NDST3: variants seen among roughly 807,000 people sequenced by gnomAD.
The protein encoded by NDST3 is bifunctional heparan sulfate N-deacetylase/N-sulfotransferase 3.
NDST3 carries 58 observed loss-of-function variants against 96.1 expected under a neutral mutation model. The ratio of observed to expected loss-of-function variants is 0.60; its 90% CI spans 0.49 to 0.75. The LOEUF is 0.75. Among genes scored for constraint, NDST3 ranks in the 30% least tolerant of loss-of-function variants. The pLI, the probability that NDST3 is intolerant of heterozygous loss-of-function variation, is 0.00. For missense variants in NDST3, 788 were observed against 1,034.2 expected (o/e 0.76, Z 3.27); for synonymous variants, 333 against 359.7 (o/e 0.93, Z 0.84).
chr4:118,159,403 G>A (rs1167276425), intron 6 of NDST3, among the ~76,000 whole-genome samples: 2 of 152,176 alleles, frequency 1.3e-5, no homozygotes, highest in Non-Finnish European at 2.9e-5. Context: ...CAGACTAGAG[G>A]TGAGAGGACC....
chr4:118,139,110 T>G (rs1218411180), intron 5 of NDST3, among the ~76,000 whole-genome samples: 1 of 152,198 alleles, frequency 6.6e-6, no homozygotes, highest in Non-Finnish European at 1.5e-5. Context: ...GATAGACATA[T>G]AGCTTAGATC....
chr4:118,077,378 G>T (rs1169616494), intron 2 of NDST3, among the ~76,000 whole-genome samples: 5 of 152,184 alleles, frequency 3.3e-5, no homozygotes, highest in African/African-American at 1.2e-4. Context: ...AAATATTTTG[G>T]TGTTGTATTT....
chr4:118,224,214 A>G (rs1012487748), intron 6 of NDST3, among the ~76,000 whole-genome samples: 1 of 152,174 alleles, frequency 6.6e-6, no homozygotes, highest in Non-Finnish European at 1.5e-5. Flanking sequence ...TTGCACCAAC[A>G]TGGGTATACA....
intron 6 of NDST3, among the ~76,000 whole-genome samples, chr4:118,217,195 A>G (rs1321653255): frequency 6.6e-6 from 1 of 152,116 alleles, no homozygotes; most frequent in Non-Finnish European, 1.5e-5. Context: ...GTATAAACGA[A>G]GCCGTGGAGA....
chr4:118,211,881 T>C (rs997363604), intron 6 of NDST3, among the ~76,000 whole-genome samples: 1 of 152,290 alleles, frequency 6.6e-6, no homozygotes, highest in East Asian at 1.9e-4. Context: ...AGGAGTCCCC[T>C]TGAGGAACTC....
chr4:118,099,872 C>A (rs1167427952), intron 2 of NDST3, among the ~76,000 whole-genome samples: 1 of 152,030 alleles, frequency 6.6e-6, no homozygotes, highest in Non-Finnish European at 1.5e-5. Context: ...CAGTTCTAAA[C>A]CTGGTCAGAG....
chr4:118,140,945 T>C (rs1281575612), intron 5 of NDST3, among the ~76,000 whole-genome samples: 1 of 152,100 alleles, frequency 6.6e-6, no homozygotes, highest in African/African-American at 2.4e-5. Context: ...TCTAAAAAAT[T>C]AGACTACACA....
chr4:118,143,423 G>C, intron 5 of NDST3, 133 bp from the exon 6 acceptor site: 1 of 810,810 alleles, frequency 1.2e-6, no homozygotes, highest in Non-Finnish European at 1.9e-6. Flanking sequence ...GAGTATGATA[G>C]ATTGTCCAGG....
At chr4:118,227,357 A>G (rs992004075) in intron 8 of NDST3, among the ~76,000 whole-genome samples, 4 of 152,138 alleles carry the variant, frequency 2.6e-5, no homozygotes, top group Admixed American at 6.6e-5. Context: ...ATAACTCTTT[A>G]TAATAAATCC....
At chr4:118,170,489 G>A (rs910017490) in intron 6 of NDST3, among the ~76,000 whole-genome samples, 3 of 152,170 alleles carry the variant, frequency 2.0e-5, no homozygotes, top group African/African-American at 7.2e-5. Context: ...CAGCACTTTG[G>A]GAGACAGAGG....
At chr4:118,125,633 A>G (rs568361573) in intron 4 of NDST3, among the ~76,000 whole-genome samples, 19 of 152,226 alleles carry the variant, frequency 1.2e-4, no homozygotes, top group Admixed American at 3.9e-4. Context: ...ATCTGAATAT[A>G]AAATCATTTC....
intron 3 of NDST3, among the ~76,000 whole-genome samples, chr4:118,105,440 C>T (rs1730092816): frequency 6.6e-6 from 1 of 152,102 alleles, no homozygotes. Flanking sequence ...CCAAAATCTC[C>T]ACTTCTTGTG....
intron 6 of NDST3, among the ~76,000 whole-genome samples, chr4:118,223,031 TACTA>T (rs1739651070): frequency 6.6e-6 from 1 of 151,968 alleles, no homozygotes; most frequent in East Asian, 1.9e-4. Flanking sequence ...AATTTGAACT[TACTA>T]ACCAGGTTAA....
chr4:118,213,726 A>T (rs561702246), intron 6 of NDST3, among the ~76,000 whole-genome samples: 178 of 150,070 alleles, frequency 1.2e-3, no homozygotes, highest in African/African-American at 4.1e-3. Flanking sequence ...TACATAATTT[A>T]TAATATATAC....
intron 6 of NDST3, among the ~76,000 whole-genome samples, chr4:118,179,843 T>G (rs1438429362): frequency 2.6e-5 from 4 of 152,200 alleles, no homozygotes; most frequent in African/African-American, 9.6e-5. Context: ...TAGTAAGTAA[T>G]GTATCCAATA....
chr4:118,046,812 A>T (rs752328886), intron 1 of NDST3, among the ~76,000 whole-genome samples: 6 of 152,174 alleles, frequency 3.9e-5, no homozygotes, highest in Non-Finnish European at 7.4e-5. Context: ...TGAGATGCCT[A>T]TTCATGGGCT....
intron 8 of NDST3, among the ~76,000 whole-genome samples, chr4:118,227,607 CTTTTTT>C (rs67330081): frequency 9.4e-6 from 1 of 106,130 alleles, no homozygotes. Flanking sequence ...TCACCATAAA[CTTTTTT>C]TTTTTTTTTT....
chr4:118,078,625 T>C (rs1727770483), intron 2 of NDST3, among the ~76,000 whole-genome samples: 1 of 151,960 alleles, frequency 6.6e-6, no homozygotes, highest in Non-Finnish European at 1.5e-5. Flanking sequence ...GGCGGATGCC[T>C]GTAATCCCAG....
chr4:118,220,205 C>T (rs1210725906), intron 6 of NDST3, among the ~76,000 whole-genome samples: 1 of 151,990 alleles, frequency 6.6e-6, no homozygotes, highest in Non-Finnish European at 1.5e-5. Flanking sequence ...TGGAACCAAC[C>T]CAAATGCCCA....
Sources: allele counts gnomAD v4.1 joint callset (sites outside exome capture counted in the v4.1 genomes callset), GRCh38; gene constraint gnomAD v4.1.1; transcripts MANE v1.5; gene names NCBI Gene and HGNC (gene_info 2026-07-23, HGNC 2026-07-21).